Variants in CTIF observed in about 807,000 individuals in gnomAD.
CTIF encodes cap binding complex dependent translation initiation factor.
A neutral mutation model predicts 66.0 loss-of-function variants in CTIF; 21 were observed. That is an observed-to-expected ratio of 0.32 (90% CI 0.23 to 0.46). The LOEUF is 0.46. Among genes scored for constraint, CTIF ranks in the 20% least tolerant of loss-of-function variants. CTIF has a pLI of 1.00. For missense variants in CTIF, 739 were observed against 812.7 expected, an observed-to-expected ratio of 0.91 and a Z score of 1.10; for synonymous variants, 345 against 326.4, an observed-to-expected ratio of 1.06 and a Z score of -0.62.
chr18:48,550,474 G>A (rs1387008291), intron 1 of CTIF, among the ~76,000 whole-genome samples: 1 of 152,216 alleles, frequency 6.6e-6, no homozygotes, highest in Non-Finnish European at 1.5e-5. Flanking sequence ...GGTGGTGGAT[G>A]CCACCTTCCC....
chr18:48,591,082 G>T (rs2089877021), intron 1 of CTIF, among the ~76,000 whole-genome samples: 1 of 152,222 alleles, frequency 6.6e-6, no homozygotes, highest in Non-Finnish European at 1.5e-5. Context: ...AACCTGGGAA[G>T]TGTGGGAAGA....
At chr18:48,576,599 C>T (rs1414543946) in intron 1 of CTIF, among the ~76,000 whole-genome samples, 3 of 152,180 alleles carry the variant, frequency 2.0e-5, no homozygotes, top group East Asian at 1.9e-4. Context: ...TTTCCAGATT[C>T]GCTGTGCCAG....
chr18:48,637,154 G>T (rs993238177), intron 3 of CTIF, among the ~76,000 whole-genome samples: 1 of 152,202 alleles, frequency 6.6e-6, no homozygotes, highest in East Asian at 1.9e-4. Context: ...GGCAGCCTGT[G>T]GGGGAGCTGT....
At chr18:48,807,548 T>C (rs1351217461) in intron 9 of CTIF, among the ~76,000 whole-genome samples, 5 of 104,014 alleles carry the variant, frequency 4.8e-5, no homozygotes, top group African/African-American at 8.0e-5. Flanking sequence ...CCCCATGCTA[T>C]TGTAAACGTT....
At chr18:48,579,327 G>A (rs1043303717) in intron 1 of CTIF, among the ~76,000 whole-genome samples, 4 of 151,988 alleles carry the variant, frequency 2.6e-5, no homozygotes, top group Admixed American at 6.6e-5. Context: ...TGTATTTTTA[G>A]TAGAGAAGGG....
At chr18:48,623,586 A>G (rs2090537581) in intron 2 of CTIF, among the ~76,000 whole-genome samples, 2 of 141,384 alleles carry the variant, frequency 1.4e-5, no homozygotes, top group South Asian at 2.2e-4. Context: ...AGCCAAAAAG[A>G]AAAAAAAAAA....
At chr18:48,706,320 C>T (rs1371123946) in intron 6 of CTIF, among the ~76,000 whole-genome samples, 1 of 152,110 alleles carries the variant, frequency 6.6e-6, no homozygotes, top group Non-Finnish European at 1.5e-5. Context: ...TATGAGATTG[C>T]AGGTGCATGG....
chr18:48,842,657 C>A (rs1282329774), intron 10 of CTIF, among the ~76,000 whole-genome samples: 1 of 152,238 alleles, frequency 6.6e-6, no homozygotes, highest in Non-Finnish European at 1.5e-5. Flanking sequence ...GTCGCTGATT[C>A]TACAGGCAAG....
At chr18:48,675,010 A>G (rs1179080817) in intron 6 of CTIF, among the ~76,000 whole-genome samples, 1 of 133,380 alleles carries the variant, frequency 7.5e-6, no homozygotes, top group Non-Finnish European at 1.5e-5. Context: ...GTTGAGACTG[A>G]CATTGCTCTC....
At chr18:48,823,396 C>G (rs568833243) in intron 10 of CTIF, among the ~76,000 whole-genome samples, 1 of 152,110 alleles carries the variant, frequency 6.6e-6, no homozygotes, top group African/African-American at 2.4e-5. Context: ...CCAGTCTTCC[C>G]AAGACCGTTT....
intron 1 of CTIF, among the ~76,000 whole-genome samples, chr18:48,570,773 AG>A (rs931283872): frequency 2.6e-5 from 4 of 152,046 alleles, no homozygotes; most frequent in Non-Finnish European, 5.9e-5. Context: ...TGCAGGGGGT[AG>A]GGGTGACTCA....
intron 9 of CTIF, among the ~76,000 whole-genome samples, chr18:48,763,348 C>A (rs916424549): frequency 6.6e-6 from 1 of 152,188 alleles, no homozygotes; most frequent in African/African-American, 2.4e-5. Flanking sequence ...TTTCTTCCAA[C>A]CTGCCGTGGT....
At chr18:48,785,306 C>A (rs931756920) in intron 9 of CTIF, among the ~76,000 whole-genome samples, 4 of 152,200 alleles carry the variant, frequency 2.6e-5, no homozygotes, top group Admixed American at 6.5e-5. Context: ...CTCTAAGTGG[C>A]TACAAAATTA....
intron 9 of CTIF, among the ~76,000 whole-genome samples, chr18:48,803,538 C>T (rs1408043246): frequency 6.6e-6 from 1 of 152,154 alleles, no homozygotes; most frequent in African/African-American, 2.4e-5. Context: ...GTGACAGCCA[C>T]CCGATGGTCC....
At chr18:48,582,785 GT>G in intron 1 of CTIF, among the ~76,000 whole-genome samples, 1 of 152,230 alleles carries the variant, frequency 6.6e-6, no homozygotes, top group East Asian at 1.9e-4. Context: ...ACCCTGTGGG[GT>G]TGGCCGGTCA....
chr18:48,757,107 G>C (rs1189081212), intron 7 of CTIF, among the ~76,000 whole-genome samples: 1 of 152,080 alleles, frequency 6.6e-6, no homozygotes, highest in Non-Finnish European at 1.5e-5. Flanking sequence ...TTTCTTCTGG[G>C]CATGCAGCCT....
chr18:48,678,143 C>T (rs912952794), intron 6 of CTIF, among the ~76,000 whole-genome samples: 5 of 152,112 alleles, frequency 3.3e-5, no homozygotes, highest in Admixed American at 3.3e-4. Flanking sequence ...TAGTCACGTA[C>T]AGCAAGTTAG....
At chr18:48,792,233 G>A (rs1392059342) in intron 9 of CTIF, among the ~76,000 whole-genome samples, 1 of 152,040 alleles carries the variant, frequency 6.6e-6, no homozygotes, top group African/African-American at 2.4e-5. Flanking sequence ...CAAAGAGAAA[G>A]AGCAGTGAAA....
intron 3 of CTIF, among the ~76,000 whole-genome samples, chr18:48,637,617 T>G (rs557846011): frequency 5.9e-5 from 9 of 152,286 alleles, no homozygotes; most frequent in African/African-American, 1.9e-4. Flanking sequence ...CCTGGCAGAT[T>G]CACCCAACTC....
Sources: gnomAD v4.1 joint callset for allele counts (sites outside exome capture counted in the v4.1 genomes callset) on GRCh38, gnomAD v4.1.1 for gene constraint, MANE v1.5 for transcripts, NCBI Gene and HGNC (gene_info 2026-07-23, HGNC 2026-07-21) for gene names.